The following C1QTNF3 variants were observed in gnomAD, a reference collection of about 807,000 sequenced individuals.
C1QTNF3 encodes the protein C1q and TNF related 3.
In C1QTNF3, 26 loss-of-function variants were observed where a neutral mutation model predicts 32.6. That is an observed-to-expected ratio of 0.80 (90% CI 0.58 to 1.11). The LOEUF is 1.11. Among genes scored for constraint, C1QTNF3 ranks in the 50% least tolerant of loss-of-function variants. The probability of loss-of-function intolerance (pLI) is 0.00; values close to 1 mark genes in which losing one functional copy is unlikely to be tolerated. For missense variants in C1QTNF3, 362 were observed against 398.2 expected, an observed-to-expected ratio of 0.91 and a Z score of 0.77; for synonymous variants, 155 against 146.0, an observed-to-expected ratio of 1.06 and a Z score of -0.44.
the C1QTNF3 span, among the ~76,000 whole-genome samples, chr5:34,088,053 A>G: frequency 6.6e-6 from 1 of 152,234 alleles, no homozygotes; most frequent in Non-Finnish European, 1.5e-5. Flanking sequence ...TAAGCAAATT[A>G]TGATGATAAC....
the C1QTNF3 span, among the ~76,000 whole-genome samples, chr5:34,083,531 G>A: frequency 2.7e-5 from 4 of 149,538 alleles, no homozygotes; most frequent in African/African-American, 4.9e-5. Flanking sequence ...AAAATCCAGC[G>A]TATATGAAAA....
the C1QTNF3 span, among the ~76,000 whole-genome samples, chr5:34,104,785 C>G: frequency 6.8e-6 from 1 of 148,026 alleles, no homozygotes; most frequent in East Asian, 2.0e-4. Context: ...GATCTGCCAG[C>G]CTCTGCCTCC....
chr5:34,228,908 C>G, the C1QTNF3 span, among the ~76,000 whole-genome samples: 1 of 150,690 alleles, frequency 6.6e-6, no homozygotes, highest in African/African-American at 2.4e-5. Flanking sequence ...GCTAAACATG[C>G]AGTTGAATCA....
the C1QTNF3 span, among the ~76,000 whole-genome samples, chr5:34,173,313 T>G: frequency 2.6e-5 from 4 of 151,788 alleles, no homozygotes; most frequent in African/African-American, 9.7e-5. Flanking sequence ...ATATTATAAT[T>G]ATGCCAATTG....
the C1QTNF3 span, among the ~76,000 whole-genome samples, chr5:34,164,475 G>T: frequency 4.6e-5 from 7 of 151,384 alleles, no homozygotes; most frequent in Non-Finnish European, 7.4e-5. Context: ...CAAAACAATT[G>T]CATGTTTAAA....
chr5:34,243,411 T>C, the C1QTNF3 span, among the ~76,000 whole-genome samples: 43,737 of 151,968 alleles, frequency 0.29, 6,665 homozygotes, highest in East Asian at 0.49. Context: ...TGGAGATTTC[T>C]CTAAGAACTT....
chr5:34,144,032 G>A, the C1QTNF3 span, among the ~76,000 whole-genome samples: 80,391 of 151,770 alleles, frequency 0.53, 22,604 homozygotes, highest in Non-Finnish European at 0.62. Context: ...GTCTTCAAGA[G>A]ACCTATAATA....
chr5:34,089,685 T>C, the C1QTNF3 span, among the ~76,000 whole-genome samples: 1 of 152,194 alleles, frequency 6.6e-6, no homozygotes. Context: ...TTACATAAAA[T>C]AATATGATGA....
At chr5:34,146,605 G>T in the C1QTNF3 span, among the ~76,000 whole-genome samples, 1 of 152,140 alleles carries the variant, frequency 6.6e-6, no homozygotes, top group Non-Finnish European at 1.5e-5. Context: ...GGGATAGTTG[G>T]CTAGTCACAT....
At chr5:34,063,100 T>A in the C1QTNF3 span, among the ~76,000 whole-genome samples, 20 of 152,142 alleles carry the variant, frequency 1.3e-4, no homozygotes, top group African/African-American at 4.8e-4. Flanking sequence ...CCAGGTAGTA[T>A]TGGAGTGTTA....
the C1QTNF3 span, among the ~76,000 whole-genome samples, chr5:34,134,484 A>T: frequency 6.6e-6 from 1 of 152,174 alleles, no homozygotes; most frequent in Non-Finnish European, 1.5e-5. Context: ...TCTGTCACTG[A>T]TCAGAACACC....
At chr5:34,175,988 A>G in the C1QTNF3 span, 1 of 770,530 alleles carries the variant, frequency 1.3e-6, no homozygotes. Flanking sequence ...AAGAGTAAGA[A>G]CTGGCAGAAT....
At chr5:34,035,831 G>A in intron 1 of C1QTNF3, 73 bp from the exon 2 acceptor site, 1 of 1,125,622 alleles carries the variant, frequency 8.9e-7, no homozygotes, top group Non-Finnish European at 1.3e-6. Flanking sequence ...ATTTCCACTG[G>A]CCTTGGCCCT....
At chr5:34,078,385 C>T in the C1QTNF3 span, among the ~76,000 whole-genome samples, 1 of 151,752 alleles carries the variant, frequency 6.6e-6, no homozygotes, top group African/African-American at 2.4e-5. This position sits in a 1 kb window ranked among gnomAD's most constrained non-coding sequence, Gnocchi z 4.0. Flanking sequence ...ATTCACAGTT[C>T]CACATGTCTT....
the C1QTNF3 span, among the ~76,000 whole-genome samples, chr5:34,063,278 C>G: frequency 7.8e-6 from 1 of 128,722 alleles, no homozygotes; most frequent in Non-Finnish European, 1.7e-5. Flanking sequence ...CTGCCTTTCT[C>G]TCTCTCTTCC....
chr5:34,052,792 A>G, the C1QTNF3 span, among the ~76,000 whole-genome samples: 1 of 152,234 alleles, frequency 6.6e-6, no homozygotes, highest in East Asian at 1.9e-4. Flanking sequence ...GACAGAAAAC[A>G]TCAAGTCTGC....
At chr5:34,220,182 C>T in the C1QTNF3 span, among the ~76,000 whole-genome samples, 10 of 152,070 alleles carry the variant, frequency 6.6e-5, no homozygotes, top group African/African-American at 9.6e-5. Context: ...CCTTACATTG[C>T]AAATCAATTT....
the C1QTNF3 span, among the ~76,000 whole-genome samples, chr5:34,078,969 C>A: frequency 1.3e-5 from 2 of 151,560 alleles, no homozygotes; most frequent in Non-Finnish European, 1.5e-5. This position sits in a 1 kb window ranked among gnomAD's most constrained non-coding sequence, Gnocchi z 4.0. Flanking sequence ...CCTTTTCCAT[C>A]TGCGTTCATC....
chr5:34,214,470 T>A, the C1QTNF3 span, among the ~76,000 whole-genome samples: 5 of 151,232 alleles, frequency 3.3e-5, no homozygotes, highest in Admixed American at 3.3e-4. Flanking sequence ...AAATACATAA[T>A]TATTTTTAAA....
Sources: gnomAD v4.1 joint callset for allele counts (sites outside exome capture counted in the v4.1 genomes callset) on GRCh38, gnomAD v4.1.1 for gene constraint, Gnocchi (gnomAD v3.1) non-coding constraint, MANE v1.5 for transcripts, NCBI Gene and HGNC (gene_info 2026-07-23, HGNC 2026-07-21) for gene names.